The following SLC9A1 variants were observed in gnomAD, a reference collection of about 807,000 sequenced individuals.
SLC9A1 encodes solute carrier family 9 member A1, also known as sodium/hydrogen exchanger 1.
SLC9A1 carries 22 observed loss-of-function variants against 67.9 expected under a neutral mutation model. The observed-to-expected ratio is 0.32, with a 90% CI of 0.23 to 0.46. The LOEUF (loss-of-function observed/expected upper bound fraction) is 0.46. Among genes scored for constraint, SLC9A1 ranks in the 20% least tolerant of loss-of-function variants. The pLI is 1.00. For synonymous variants in SLC9A1, 421 were observed against 471.8 expected (o/e 0.89, Z 1.40); for missense variants, 686 against 1,094.8 (o/e 0.63, Z 5.27).
Position 27,154,539 on chromosome 1 carries a change from G to T in SLC9A1, c.-205C>A, listed in dbSNP as rs551315490. 6 of 531,332 alleles carry T rather than the reference G, an allele frequency of 1.1e-5. No homozygotes were observed. In the East Asian group the frequency reaches 1.9e-4, roughly 16 times the overall value. The allele number at this position is 531,332 out of a possible 1,614,324, so 32.9% of individuals were successfully genotyped here. On this transcript the variant is annotated 5_prime_UTR_variant, in exon 1 of 12. Transcript: ENST00000263980. ...ATCTGGAACTCCAAAGTGGGGAAAG[G>T]GGGCAAGGACCCAGGAACGACCACG...
intron 1 of SLC9A1, among the ~76,000 whole-genome samples, chr1:27,123,961 G>A (rs2083323643): frequency 6.6e-6 from 1 of 152,180 alleles, no homozygotes; most frequent in Non-Finnish European, 1.5e-5. Context: ...TGAGTAGCTG[G>A]GATTACAGGT....
Position 27,139,796 on chromosome 1 carries a change from T to C in SLC9A1, c.352+14187A>G, listed in dbSNP as rs141162165. ...CTCTATGTGAGCTAAGCACACTCAT[T>C]GTTTTTTTTTTTTTTTGAAACAGAG... On this transcript the variant is annotated intron_variant, in intron 1 of 11. Transcript: ENST00000263980. Among the ~76,000 whole-genome samples, 489 of 151,672 alleles carry C rather than the reference T, an allele frequency of 3.2e-3. 5 individuals are homozygous for C. Among genetic ancestry groups the C allele is most frequent in the African/African-American group, 0.011 (459 of 41,268 alleles).
chr1:27,128,427 G>T (rs531759817), intron 1 of SLC9A1, among the ~76,000 whole-genome samples: 65 of 152,222 alleles, frequency 4.3e-4, no homozygotes, highest in Non-Finnish European at 2.1e-4. Flanking sequence ...AGGCCGAGGC[G>T]AGAGGATCAC....
chr1:27,108,101 C>T (rs2124143104), intron 3 of SLC9A1, among the ~76,000 whole-genome samples: 1 of 142,800 alleles, frequency 7.0e-6, no homozygotes, highest in Middle Eastern at 4.2e-3. Context: ...GAGTCTCACT[C>T]TGTCACCCAG....
At chr1:27,127,035 G>A (rs1309629160) in intron 1 of SLC9A1, among the ~76,000 whole-genome samples, 2 of 152,110 alleles carry the variant, frequency 1.3e-5, no homozygotes, top group African/African-American at 4.8e-5. Context: ...GAGTCTGGCT[G>A]TGTTGCCCAG....
At chr1:27,142,953 T>A (rs1464231430) in intron 1 of SLC9A1, among the ~76,000 whole-genome samples, 1 of 150,826 alleles carries the variant, frequency 6.6e-6, no homozygotes, top group East Asian at 1.9e-4. Flanking sequence ...CCAGACCAGT[T>A]AGTCCTCTAC....
intron 1 of SLC9A1, among the ~76,000 whole-genome samples, chr1:27,130,391 C>T (rs975923420): frequency 6.6e-5 from 10 of 152,202 alleles, no homozygotes; most frequent in South Asian, 2.1e-4. Flanking sequence ...CGTGAGCCAC[C>T]GCACCCGGCC....
Position 27,100,722 on chromosome 1 carries a change from G to T in SLC9A1, c.2111-78C>A. 1 of 1,201,006 alleles carries T rather than the reference G, an allele frequency of 8.3e-7. No homozygotes were observed. Among genetic ancestry groups the T allele is most frequent in the Non-Finnish European group, 1.2e-6 (1 of 846,456 alleles). The allele number at this position is 1,201,006 out of a possible 1,614,324, so 74.4% of individuals were successfully genotyped here. On this transcript the variant is annotated intron_variant, in intron 11 of 11. Transcript: ENST00000263980. This position sits in a 1 kb window ranked among gnomAD's most constrained non-coding sequence, Gnocchi z 5.6. ...GCACGTGCCACTCGGCCGCGTCAGT[G>T]CCTCCTTCAGGCCTTCTCATGAGCA...
intron 1 of SLC9A1, among the ~76,000 whole-genome samples, chr1:27,146,538 G>A (rs2083486408): frequency 6.6e-6 from 1 of 152,224 alleles, no homozygotes; most frequent in East Asian, 1.9e-4. Flanking sequence ...CACAGGCTCT[G>A]AAGTCAGACA....
intron 1 of SLC9A1, among the ~76,000 whole-genome samples, chr1:27,120,403 G>A (rs867366149): frequency 4.0e-5 from 6 of 151,424 alleles, no homozygotes; most frequent in Non-Finnish European, 7.4e-5. Flanking sequence ...TGAGATTACA[G>A]GCGTGAGCCA....
intron 1 of SLC9A1, among the ~76,000 whole-genome samples, chr1:27,136,317 G>A (rs556632490): frequency 6.6e-6 from 1 of 152,340 alleles, no homozygotes; most frequent in South Asian, 2.1e-4. Flanking sequence ...GGCAGGAGGA[G>A]GACTGCTCTG....
At position 27,100,977 on chromosome 1, in the gene SLC9A1, A is replaced by G. The variant is rs993331563; in HGVS notation, c.2110+226T>C. Among the ~76,000 whole-genome samples, 1 of 152,174 alleles carries G rather than the reference A, an allele frequency of 6.6e-6. No homozygotes were observed. The highest frequency in any genetic ancestry group is 1.5e-5 in the Non-Finnish European group (1 of 68,026). On this transcript the variant is annotated intron_variant, in intron 11 of 11. Transcript: ENST00000263980. The surrounding 1 kb of genome is among the most constrained non-coding windows in gnomAD (Gnocchi z 5.6). ...GGGGCAGATACCCTGCCTTCCTGCCAGGCACCGTGGCTCTCCCAGCTCCCC... is the reference window on the plus strand; with the variant it reads ...GGGGCAGATACCCTGCCTTCCTGCCGGGCACCGTGGCTCTCCCAGCTCCCC...
intron 5 of SLC9A1, among the ~76,000 whole-genome samples, chr1:27,104,518 C>T (rs1226772175): frequency 6.6e-6 from 1 of 152,088 alleles, no homozygotes; most frequent in East Asian, 1.9e-4. Context: ...TTCTCAAGTA[C>T]CTGGGACTTA....
intron 1 of SLC9A1, among the ~76,000 whole-genome samples, chr1:27,136,798 G>T (rs1287756429): frequency 6.6e-6 from 1 of 152,164 alleles, no homozygotes; most frequent in Non-Finnish European, 1.5e-5. Context: ...AATTCCCAGA[G>T]CCAAGAACAC....
chr1:27,119,076 C>A (rs2124164318), intron 1 of SLC9A1, among the ~76,000 whole-genome samples: 1 of 152,060 alleles, frequency 6.6e-6, no homozygotes, highest in South Asian at 2.1e-4. Flanking sequence ...CACACACACA[C>A]ACACACACAC....
intron 4 of SLC9A1, among the ~76,000 whole-genome samples, chr1:27,107,140 ACCC>A (rs2083191103): frequency 2.4e-5 from 1 of 42,262 alleles, no homozygotes; most frequent in Non-Finnish European, 4.8e-5. Context: ...ACACACACAC[ACCC>A]ACACCCTCAC....
intron 1 of SLC9A1, among the ~76,000 whole-genome samples, chr1:27,144,667 C>G (rs562100257): frequency 6.6e-6 from 1 of 152,188 alleles, no homozygotes; most frequent in Non-Finnish European, 1.5e-5. Flanking sequence ...TTCATGTATT[C>G]CTTCCCCAAA....
intron 1 of SLC9A1, among the ~76,000 whole-genome samples, chr1:27,120,573 A>G (rs530666254): frequency 1.1e-3 from 160 of 151,960 alleles, no homozygotes; most frequent in African/African-American, 3.7e-3. Flanking sequence ...CCTCGTCTCT[A>G]CGAAAAATAC....
At chr1:27,102,634 C>A in intron 7 of SLC9A1, 39 bp downstream of exon 7, 1 of 1,612,362 alleles carries the variant, frequency 6.2e-7, no homozygotes, top group African/African-American at 1.3e-5. Context: ...GAGACCCTTG[C>A]CTGCCCCTCC....
Sources: allele counts gnomAD v4.1 joint callset (sites outside exome capture counted in the v4.1 genomes callset), GRCh38; gene constraint gnomAD v4.1.1; non-coding constraint Gnocchi (gnomAD v3.1); transcripts MANE v1.5; gene names NCBI Gene and HGNC (gene_info 2026-07-23, HGNC 2026-07-21).